FRYL: variants seen among roughly 807,000 people sequenced by gnomAD.
The protein encoded by FRYL is protein furry homolog-like.
Under a neutral mutation model 351.2 loss-of-function variants are expected in FRYL, and 150 were observed. That is an observed-to-expected ratio of 0.43 (90% confidence interval 0.37 to 0.49). The LOEUF is 0.49. FRYL is among the 20% of genes least tolerant of loss of function. The pLI is 0.00. For synonymous variants in FRYL, 1,153 were observed against 1,257.1 expected, an observed-to-expected ratio of 0.92 and a Z score of 1.75; for missense variants, 3,036 against 3,619.3, an observed-to-expected ratio of 0.84 and a Z score of 4.13.
At position 48,768,053 on chromosome 4, in the gene FRYL, TAA is replaced by T. The variant is rs532227324; in HGVS notation, c.-384+12023_-384+12024del. Reference sequence around the variant, plus strand: ...ACCTTGCATTAAACCTCTTCTAGCTTAAAATACTCAGGGATGTTTCTTTTCCT... The same window carrying T: ...ACCTTGCATTAAACCTCTTCTAGCTTAATACTCAGGGATGTTTCTTTTCCT... On this transcript the variant is annotated intron_variant, in intron 1 of 63. Transcript: ENST00000358350. Among the ~76,000 whole-genome samples, 74 of 152,280 alleles carry T rather than the reference TAA, an allele frequency of 4.9e-4. 1 individual carries two copies. The highest frequency in any genetic ancestry group is 9.3e-4 in the Non-Finnish European group (63 of 68,026).
chr4:48,592,209 CAT>C (rs914495387), intron 16 of FRYL, among the ~76,000 whole-genome samples: 6 of 151,124 alleles, frequency 4.0e-5, no homozygotes, highest in African/African-American at 1.2e-4. Context: ...CAGATAGTCA[CAT>C]GTCACATAGT....
Position 48,500,190 on chromosome 4 carries a change from G to A in FRYL, c.8623C>T (p.Leu2875=), listed in dbSNP as rs1368450219. The change falls in exon 63 of 64, where the codon CTG becomes TTG. Residue 2875 remains leucine (L), a synonymous_variant. Coordinates refer to ENST00000358350, the MANE Select transcript of FRYL (RefSeq NM_015030.2). ...TCAGCTTCTTTGAGGATACTTTCCA[G>A]TTGGGCAAGTTCCTCTGACATGTTG... is the stretch of plus-strand genomic sequence containing the variant. ...VINMSEELAQ[L]ESILKEAESA... 1 of 1,591,350 alleles carries A rather than the reference G, an allele frequency of 6.3e-7. No homozygotes were observed. Among genetic ancestry groups the A allele is most frequent in the African/African-American group, 1.4e-5 (1 of 73,272 alleles).
rs1358492286 is a variant in FRYL, at chr4:48,510,074, T to C, written c.8379A>G (p.Arg2793=). The part of the protein sequence containing the change: ...QEHLDTYNVK[R]EAAEQWLDDC... ...AGAGACTGACCTGCTCAGCGGCTTC[T>C]CTTTTCACATTGTATGTATCCAGGT... The change falls in exon 59 of 64, where the codon AGA becomes AGG. Residue 2793 remains arginine, a synonymous_variant. Transcript: ENST00000358350. 1.4e-5 allele frequency: 22 copies of C among 1,612,676 alleles called. No homozygotes were observed. Among genetic ancestry groups the C allele is most frequent in the Non-Finnish European group, 1.7e-5 (20 of 1,178,894 alleles).
intron 1 of FRYL, among the ~76,000 whole-genome samples, chr4:48,712,378 C>G (rs1263361283): frequency 6.6e-6 from 1 of 151,998 alleles, no homozygotes; most frequent in Non-Finnish European, 1.5e-5. Flanking sequence ...CTTAAAGGAG[C>G]CGATGGAGCT....
At position 48,522,910 on chromosome 4, in the gene FRYL, G is replaced by A; in HGVS notation, c.7512C>T (p.Arg2504=). 1 of 1,612,086 alleles carries A rather than the reference G, an allele frequency of 6.2e-7. No homozygotes were observed. The highest frequency in any genetic ancestry group is 1.1e-5 in the South Asian group (1 of 91,054). The change falls in exon 54 of 64, where the codon CGC becomes CGT. Residue 2504 remains arginine (R), a synonymous_variant. Coordinates refer to ENST00000358350, the MANE Select transcript of FRYL (RefSeq NM_015030.2). ...AALTASQILS[R]TQMLNSDSAT... Reference sequence around the variant, plus strand: ...AAAGTGAATTGTATACCATCTGTGTGCGTGAGAGTATCTGGCTTGCTGTAA... The same window carrying A: ...AAAGTGAATTGTATACCATCTGTGTACGTGAGAGTATCTGGCTTGCTGTAA...
intron 3 of FRYL, among the ~76,000 whole-genome samples, chr4:48,641,708 C>G (rs1578481660): frequency 6.6e-6 from 1 of 152,118 alleles, no homozygotes; most frequent in South Asian, 2.1e-4. Flanking sequence ...AAGAACTTTC[C>G]CATCAATAAC....
chr4:48,497,434 C>T lies in FRYL; in HGVS notation c.*1988G>A, dbSNP rs1480433201. Reference sequence around the variant, plus strand: ...ATAAATAAACACAAAAAGCAAATATCAACTGAAAGGTTTGGTTGGGTAGTC... The same window carrying T: ...ATAAATAAACACAAAAAGCAAATATTAACTGAAAGGTTTGGTTGGGTAGTC... On this transcript the variant is annotated 3_prime_UTR_variant, in exon 64 of 64. Coordinates refer to ENST00000358350, the MANE Select transcript of FRYL (RefSeq NM_015030.2). 1.3e-5 allele frequency: 2 copies of T among 152,558 alleles called. No homozygotes were observed. The highest frequency in any genetic ancestry group is 4.8e-5 in the African/African-American group (2 of 41,432). The allele number at this position is 152,558 out of a possible 1,614,324, so 9.5% of individuals were successfully genotyped here.
chr4:48,542,202 A>G (rs964626764), intron 44 of FRYL, 81 bp from the exon 45 acceptor site: 3 of 948,094 alleles, frequency 3.2e-6, no homozygotes, highest in African/African-American at 3.3e-5. Flanking sequence ...GGATTTTAAA[A>G]TAGAACAAAC....
intron 33 of FRYL, among the ~76,000 whole-genome samples, chr4:48,559,528 C>CAAAAA (rs67320603): frequency 1.9e-4 from 2 of 10,378 alleles, no homozygotes; most frequent in African/African-American, 4.6e-4. Flanking sequence ...CCTCTCTCTC[C>CAAAAA]AAAAAAAAAA....
In FRYL at chr4:48,579,318, G is replaced by C. The variant is rs1560646970; in HGVS notation, c.2260-77C>G. ...TTTACCATATAAATTGCTTTAAACTGAAAGTGGTGTATTAGTAGTTTCTAA... is the reference window on the plus strand; with the variant it reads ...TTTACCATATAAATTGCTTTAAACTCAAAGTGGTGTATTAGTAGTTTCTAA... On this transcript the variant is annotated intron_variant, in intron 22 of 63. Coordinates refer to ENST00000358350, the MANE Select transcript of FRYL (RefSeq NM_015030.2). 3.3e-6 allele frequency: 4 copies of C among 1,198,464 alleles called. No homozygotes were observed. In the South Asian group the frequency reaches 6.1e-5, roughly 18 times the overall value. 74.2% of individuals were successfully genotyped at this position (1,198,464 alleles called of 1,614,324 possible).
At chr4:48,729,254 CACCACAGCTCAGCA>C (rs1459585849) in intron 1 of FRYL, among the ~76,000 whole-genome samples, 1 of 152,216 alleles carries the variant, frequency 6.6e-6, no homozygotes, top group African/African-American at 2.4e-5. Context: ...GGGCGGAGCC[CACCACAGCTCAGCA>C]AGGCCTACTG....
chr4:48,686,914 G>A (rs139252198), intron 2 of FRYL, among the ~76,000 whole-genome samples: 130 of 152,172 alleles, frequency 8.5e-4, no homozygotes, highest in African/African-American at 2.9e-3. Flanking sequence ...TCGACTTTTC[G>A]CTTTTGATAA....
At chr4:48,590,273 C>T (rs1742966274) in intron 17 of FRYL, among the ~76,000 whole-genome samples, 1 of 152,002 alleles carries the variant, frequency 6.6e-6, no homozygotes, top group African/African-American at 2.4e-5. Flanking sequence ...CACTTGGGGT[C>T]AGGAGTTCAA....
chr4:48,715,751 T>C (rs1768733272), intron 1 of FRYL, among the ~76,000 whole-genome samples: 1 of 152,224 alleles, frequency 6.6e-6, no homozygotes, highest in Non-Finnish European at 1.5e-5. Context: ...AATGACTTTC[T>C]TCACAGAATT....
chr4:48,777,443 A>G (rs1579005517), intron 1 of FRYL, among the ~76,000 whole-genome samples: 1 of 152,238 alleles, frequency 6.6e-6, no homozygotes, highest in Non-Finnish European at 1.5e-5. Context: ...AAAATAAGAC[A>G]TTTATTGGGT....
At chr4:48,565,841 ATTTATATAT>A (rs2149080713) in intron 28 of FRYL, 150 bp from the exon 29 acceptor site, 1 of 702,206 alleles carries the variant, frequency 1.4e-6, no homozygotes, top group Non-Finnish European at 2.3e-6. Context: ...AGCAGGGATC[ATTTATATAT>A]ATGCAAATCA....
intron 1 of FRYL, among the ~76,000 whole-genome samples, chr4:48,769,461 C>T (rs775137622): frequency 8.5e-5 from 13 of 152,114 alleles, no homozygotes; most frequent in African/African-American, 1.9e-4. Flanking sequence ...ACTTTCATAT[C>T]GATGAAATGG....
At position 48,595,889 on chromosome 4, in the gene FRYL, A is replaced by G. The variant is rs1055191044; in HGVS notation, c.1139+8T>C. ...ATTTTTAATGCACTTTAAAGCAAAGATACTCACCTTTGAGTTACAGTGTTG... is the reference window on the plus strand; with the variant it reads ...ATTTTTAATGCACTTTAAAGCAAAGGTACTCACCTTTGAGTTACAGTGTTG... On this transcript the variant is annotated splice_region_variant and intron_variant, in intron 14 of 63. Coordinates refer to ENST00000358350, the MANE Select transcript of FRYL (RefSeq NM_015030.2). The G allele has an allele frequency of 4.6e-6, 7 of 1,509,370 alleles. No individual in the cohort carries two copies. In the African/African-American group the frequency reaches 9.8e-5, roughly 21 times the overall value. 93.5% of individuals were successfully genotyped at this position (1,509,370 alleles called of 1,614,324 possible).
intron 5 of FRYL, among the ~76,000 whole-genome samples, chr4:48,621,543 A>C (rs1044128190): frequency 1.3e-5 from 2 of 152,156 alleles, no homozygotes; most frequent in African/African-American, 4.8e-5. Context: ...TCTTCACAAA[A>C]ATTTCTGTAT....
Sources: gnomAD v4.1 joint callset for allele counts (sites outside exome capture counted in the v4.1 genomes callset) on GRCh38, gnomAD v4.1.1 for gene constraint, MANE v1.5 for transcripts, NCBI Gene and HGNC (gene_info 2026-07-23, HGNC 2026-07-21) for gene names.